The following VSNL1 variants were observed in gnomAD, a reference collection of about 807,000 sequenced individuals.
VSNL1 encodes visinin like 1.
A neutral mutation model predicts 20.4 loss-of-function variants in VSNL1; 6 were observed. That is an observed-to-expected ratio of 0.29 (90% CI 0.16 to 0.58). VSNL1 has a LOEUF of 0.58. Ranked by LOEUF, VSNL1 falls within the 20% of genes least tolerant of loss-of-function variation. The pLI is 0.90. For missense variants in VSNL1, 100 were observed against 234.5 expected (o/e 0.43, Z 3.75); for synonymous variants, 93 against 86.4 (o/e 1.08, Z -0.42).
At chr2:17,598,766 A>T (rs1453680306) in intron 2 of VSNL1, among the ~76,000 whole-genome samples, 1 of 152,240 alleles carries the variant, frequency 6.6e-6, no homozygotes, top group Non-Finnish European at 1.5e-5. Flanking sequence ...CAGACGTAAC[A>T]TTCTAGGTTC....
intron 2 of VSNL1, among the ~76,000 whole-genome samples, chr2:17,625,973 T>G (rs2103407330): frequency 6.6e-6 from 1 of 151,150 alleles, no homozygotes; most frequent in East Asian, 2.0e-4. Context: ...TGCACCACCA[T>G]GCCTGGCTAA....
chr2:17,593,360 A>T (rs1184422997), intron 2 of VSNL1, among the ~76,000 whole-genome samples: 1 of 152,254 alleles, frequency 6.6e-6, no homozygotes, highest in Non-Finnish European at 1.5e-5. Flanking sequence ...AAAATACTTG[A>T]ACTGTAACAA....
chr2:17,552,056 A>C (rs908382627), intron 1 of VSNL1, among the ~76,000 whole-genome samples: 1 of 151,234 alleles, frequency 6.6e-6, no homozygotes, highest in Non-Finnish European at 1.5e-5. Flanking sequence ...AAAAATTAGC[A>C]GGGCGTGGTG....
At chr2:17,599,378 A>G (rs1215718158) in intron 2 of VSNL1, among the ~76,000 whole-genome samples, 1 of 152,228 alleles carries the variant, frequency 6.6e-6, no homozygotes, top group Non-Finnish European at 1.5e-5. Flanking sequence ...ATTTGAATTT[A>G]AAAATGATTA....
intron 1 of VSNL1, among the ~76,000 whole-genome samples, chr2:17,550,832 T>G (rs1383444566): frequency 6.6e-6 from 1 of 152,186 alleles, no homozygotes; most frequent in African/African-American, 2.4e-5. Context: ...TACTTAGATA[T>G]CCTAACCCAG....
intron 2 of VSNL1, among the ~76,000 whole-genome samples, chr2:17,618,717 A>G (rs2103400097): frequency 6.6e-6 from 1 of 152,230 alleles, no homozygotes; most frequent in South Asian, 2.1e-4. Context: ...TGTGATAAGC[A>G]CTCTGCTAGA....
intron 1 of VSNL1, among the ~76,000 whole-genome samples, chr2:17,543,931 G>A (rs1297617977): frequency 6.6e-6 from 1 of 151,810 alleles, no homozygotes; most frequent in African/African-American, 2.4e-5. Flanking sequence ...AACATTCTAT[G>A]CCTCCTAAAT....
chr2:17,629,063 G>C (rs916949986), intron 2 of VSNL1, among the ~76,000 whole-genome samples: 1 of 152,194 alleles, frequency 6.6e-6, no homozygotes, highest in African/African-American at 2.4e-5. Context: ...CAGCTAAATC[G>C]CCTGTCTCTG....
intron 2 of VSNL1, among the ~76,000 whole-genome samples, chr2:17,618,221 T>C (rs2103399693): frequency 6.6e-6 from 1 of 152,328 alleles, no homozygotes; most frequent in South Asian, 2.1e-4. Context: ...AAATGTATTA[T>C]CTTACACTTT....
rs537525830 is a variant in VSNL1 at position 17,553,896 on chromosome 2, T to A, written c.-6+12978T>A. Among the ~76,000 whole-genome samples the A allele has an allele frequency of 2.0e-5, 3 of 152,346 alleles. No individual in the cohort carries two copies. The South Asian group carries it at 6.2e-4, about 32-fold the overall frequency. On this transcript the variant is annotated intron_variant, in intron 1 of 3. Coordinates refer to ENST00000295156, the MANE Select transcript of VSNL1 (RefSeq NM_003385.5). ...TTTTTAATAAAGAAGTAGTAGTATT[T>A]GCTGTCCTCAATTCAAGAGCTCTTA...
intron 2 of VSNL1, among the ~76,000 whole-genome samples, chr2:17,622,454 C>T (rs961357751): frequency 1.7e-4 from 25 of 147,012 alleles, no homozygotes; most frequent in Admixed American, 6.2e-4. Context: ...GCCAAGATCG[C>T]GCCACTACAC....
intron 2 of VSNL1, among the ~76,000 whole-genome samples, chr2:17,594,573 G>A (rs1519474): frequency 0.29 from 43,730 of 152,146 alleles, 7,982 homozygotes; most frequent in East Asian, 0.8. Context: ...TCATTATCCT[G>A]GTGAATGGGC....
intron 2 of VSNL1, among the ~76,000 whole-genome samples, chr2:17,627,033 C>T (rs1665526345): frequency 6.6e-6 from 1 of 152,160 alleles, no homozygotes; most frequent in African/African-American, 2.4e-5. Flanking sequence ...CTGGACTATC[C>T]CAGCAGTTTC....
rs781028829 is a variant in VSNL1, at chr2:17,634,791, G to A, written c.163-14619G>A. On this transcript the variant is annotated intron_variant, in intron 2 of 3. Transcript: ENST00000295156. The surrounding 1 kb of genome is among the most constrained non-coding windows in gnomAD (Gnocchi z 4.3). The stretch of plus-strand genomic sequence containing the variant: ...CACACAGTTCCATCCCACCCACTTC[G>A]TGCTCTGGTGCTGCTTCCACTTTCT... Among the ~76,000 whole-genome samples the A allele has an allele frequency of 1.3e-5, 2 of 152,098 alleles. No individual in the cohort carries two copies. The highest frequency in any genetic ancestry group is 1.9e-4 in the East Asian group (1 of 5,180).
intron 1 of VSNL1, among the ~76,000 whole-genome samples, chr2:17,562,012 C>T (rs1572333376): frequency 6.6e-6 from 1 of 152,138 alleles, no homozygotes; most frequent in East Asian, 1.9e-4. Context: ...CTGCAATGCC[C>T]CCAGACTACT....
chr2:17,564,473 CA>C (rs1245507697), intron 1 of VSNL1, among the ~76,000 whole-genome samples: 1 of 151,964 alleles, frequency 6.6e-6, no homozygotes, highest in African/African-American at 2.4e-5. Context: ...TCTGTAAAAA[CA>C]ACAACAGCAG....
chr2:17,552,643 A>G (rs1663572310), intron 1 of VSNL1, among the ~76,000 whole-genome samples: 1 of 152,198 alleles, frequency 6.6e-6, no homozygotes, highest in Non-Finnish European at 1.5e-5. Context: ...AATAGTTTAC[A>G]TATATCCACA....
intron 1 of VSNL1, among the ~76,000 whole-genome samples, chr2:17,565,079 T>A (rs1558283355): frequency 6.6e-6 from 1 of 152,188 alleles, no homozygotes; most frequent in Non-Finnish European, 1.5e-5. Context: ...CCATGTTTCC[T>A]TTGAGATGAA....
intron 2 of VSNL1, among the ~76,000 whole-genome samples, chr2:17,641,958 CT>C (rs374866236): frequency 1.0e-3 from 157 of 152,258 alleles, no homozygotes; most frequent in African/African-American, 3.6e-3. Flanking sequence ...AGTAACATCC[CT>C]TCTTTTTTAA....
Sources: gnomAD v4.1 joint callset for allele counts (sites outside exome capture counted in the v4.1 genomes callset) on GRCh38, gnomAD v4.1.1 for gene constraint, Gnocchi (gnomAD v3.1) non-coding constraint, MANE v1.5 for transcripts, NCBI Gene and HGNC (gene_info 2026-07-23, HGNC 2026-07-21) for gene names.